SRC: variants seen among roughly 807,000 people sequenced by gnomAD.
SRC encodes proto-oncogene tyrosine-protein kinase Src.
Under a neutral mutation model 62.9 loss-of-function variants are expected in SRC, and 13 were observed. That is an observed-to-expected ratio of 0.21 (90% CI 0.13 to 0.33). SRC has a LOEUF of 0.33. Among genes scored for constraint, SRC ranks in the 10% least tolerant of loss-of-function variants. The probability of loss-of-function intolerance (pLI) is 1.00; values close to 1 mark genes in which losing one functional copy is unlikely to be tolerated. For missense variants in SRC, 457 were observed against 737.3 expected, an observed-to-expected ratio of 0.62 and a Z score of 4.40; for synonymous variants, 302 against 317.5, an observed-to-expected ratio of 0.95 and a Z score of 0.52.
At chr20:37,348,382 A>G (rs369749271) in intron 1 of SRC, among the ~76,000 whole-genome samples, 32 of 151,914 alleles carry the variant, frequency 2.1e-4, no homozygotes, top group Admixed American at 1.9e-3. Context: ...CCTTCTGCCC[A>G]TCTCCGTGGT....
At chr20:37,400,910 G>C (rs1408099161) in intron 10 of SRC, among the ~76,000 whole-genome samples, 1 of 152,068 alleles carries the variant, frequency 6.6e-6, no homozygotes, top group African/African-American at 2.4e-5. Flanking sequence ...TTTGCTTTCT[G>C]TCATTATAAA....
intron 1 of SRC, among the ~76,000 whole-genome samples, chr20:37,359,667 TG>T (rs1219309386): frequency 6.6e-6 from 1 of 151,602 alleles, no homozygotes; most frequent in Non-Finnish European, 1.5e-5. Flanking sequence ...AGGGGAAGAA[TG>T]GAGAGAGGAG....
intron 2 of SRC, among the ~76,000 whole-genome samples, chr20:37,372,351 C>T (rs1226681514): frequency 6.6e-6 from 1 of 152,072 alleles, no homozygotes; most frequent in Non-Finnish European, 1.5e-5. Context: ...TCTCTTTTAC[C>T]ACATCCATAT....
At chr20:37,374,707 T>A (rs2070250791) in intron 2 of SRC, among the ~76,000 whole-genome samples, 1 of 151,886 alleles carries the variant, frequency 6.6e-6, no homozygotes, top group South Asian at 2.1e-4. Flanking sequence ...CCAGAGCAGC[T>A]TGGATTACAG....
At position 37,398,984 on chromosome 20, in the gene SRC, A is replaced by C. The variant is rs758893229; in HGVS notation, c.859+1130A>C. On this transcript the variant is annotated intron_variant, in intron 9 of 13. Transcript: ENST00000373578. The surrounding 1 kb of genome is among the most constrained non-coding windows in gnomAD (Gnocchi z 5.2). ...AAGGTCACACATCAAAGGAACCTCG[A>C]GGCCCACTGGGACAAGAACCTGGAT... Among the ~76,000 whole-genome samples the C allele has an allele frequency of 6.6e-6, 1 of 152,220 alleles. No homozygotes were observed. Among genetic ancestry groups the C allele is most frequent in the African/African-American group, 2.4e-5 (1 of 41,460 alleles).
intron 5 of SRC, among the ~76,000 whole-genome samples, chr20:37,392,352 G>A (rs778008727): frequency 1.1e-4 from 17 of 152,128 alleles, no homozygotes; most frequent in Non-Finnish European, 2.2e-4. Flanking sequence ...CTCCCTCCTG[G>A]CCTCAACTTC....
At chr20:37,387,293 G>A (rs2070472065) in intron 5 of SRC, among the ~76,000 whole-genome samples, 2 of 152,220 alleles carry the variant, frequency 1.3e-5, no homozygotes, top group South Asian at 2.1e-4. Flanking sequence ...GTGCAGGACT[G>A]CCTTCTCAGA....
At chr20:37,350,725 G>C (rs1421874097) in intron 1 of SRC, among the ~76,000 whole-genome samples, 1 of 152,176 alleles carries the variant, frequency 6.6e-6, no homozygotes, top group Non-Finnish European at 1.5e-5. Context: ...CTCCCTGTTG[G>C]GGACTCAGAT....
intron 2 of SRC, among the ~76,000 whole-genome samples, chr20:37,370,444 A>G (rs1316773033): frequency 1.3e-5 from 2 of 152,184 alleles, no homozygotes; most frequent in Admixed American, 1.3e-4. Flanking sequence ...CTGTGCTGGC[A>G]GGCACCTGTA....
intron 1 of SRC, among the ~76,000 whole-genome samples, chr20:37,349,990 G>A (rs867052643): frequency 6.6e-6 from 1 of 152,206 alleles, no homozygotes; most frequent in South Asian, 2.1e-4. Flanking sequence ...CCAGGCCTTG[G>A]CTGTAGGCTC....
Position 37,384,429 on chromosome 20 carries a change from C to A in SRC, c.250+26C>A. 1 of 1,324,498 alleles carries A rather than the reference C, an allele frequency of 7.6e-7. No individual in the cohort carries two copies. The highest frequency in any genetic ancestry group is 9.6e-7 in the Non-Finnish European group (1 of 1,046,308). The allele number at this position is 1,324,498 out of a possible 1,614,324, so 82.0% of individuals were successfully genotyped here. On this transcript the variant is annotated intron_variant, in intron 4 of 13. Transcript: ENST00000373578. The surrounding 1 kb of genome is among the most constrained non-coding windows in gnomAD (Gnocchi z 6.7). ...GTCAGTGCGCGGGCGGCGCGGGGTC[C>A]TCGCCCACCTGGGGCCACGGCGGGG...
upstream of SRC, among the ~76,000 whole-genome samples, chr20:37,345,055 C>T (rs1158277950): frequency 6.6e-6 from 1 of 152,160 alleles, no homozygotes; most frequent in Non-Finnish European, 1.5e-5. Context: ...CTAGGGTGCT[C>T]CTCCCAGCTC....
intron 2 of SRC, among the ~76,000 whole-genome samples, chr20:37,372,034 T>C (rs2070173593): frequency 6.6e-6 from 1 of 152,086 alleles, no homozygotes; most frequent in Non-Finnish European, 1.5e-5. Context: ...TCTCGCTCTG[T>C]TGCCCAGGCT....
intron 5 of SRC, among the ~76,000 whole-genome samples, chr20:37,392,862 C>T (rs1039037422): frequency 3.7e-4 from 56 of 152,124 alleles, no homozygotes; most frequent in Admixed American, 3.3e-3. Context: ...CTGGCTCTCC[C>T]GCTCTCTCCC....
intron 3 of SRC, chr20:37,383,722 A>AT (rs1192006400): frequency 6.1e-6 from 1 of 164,120 alleles, no homozygotes; most frequent in Non-Finnish European, 1.3e-5. Context: ...CCTGTCCCCC[A>AT]TTTTTTTCTT....
intron 2 of SRC, among the ~76,000 whole-genome samples, chr20:37,377,127 C>T (rs535284777): frequency 2.1e-4 from 32 of 152,300 alleles, no homozygotes; most frequent in South Asian, 1.0e-3. Flanking sequence ...GTGTGTAAAG[C>T]GCCCAGCCTT....
rs2070104742 is a variant in SRC at position 37,368,519 on chromosome 20, TTTTTTTTTTTTTTTTTTTTTTTTTG to T, written c.-173+3257_-173+3281del. The stretch of plus-strand genomic sequence containing the variant: ...TCATAACATTTATGCCTATATTTTC[TTTTTTTTTTTTTTTTTTTTTTTTTG>T]TTTTTTTTTTTTTTGTTTTTTTTTT... On this transcript the variant is annotated intron_variant, in intron 2 of 13. Coordinates refer to ENST00000373578, the MANE Select transcript of SRC (RefSeq NM_198291.3). Among the ~76,000 whole-genome samples, 3 of 48,632 alleles carry T rather than the reference TTTTTTTTTTTTTTTTTTTTTTTTTG, an allele frequency of 6.2e-5. No individual in the cohort carries two copies. The African/African-American group carries it at 8.0e-4, about 13-fold the overall frequency. 31.9% of individuals were successfully genotyped at this position (48,632 alleles called of 152,430 possible).
chr20:37,368,448 CAAAT>C (rs1287976351), intron 2 of SRC, among the ~76,000 whole-genome samples: 13 of 139,088 alleles, frequency 9.3e-5, no homozygotes, highest in African/African-American at 3.4e-4. Flanking sequence ...CAAACAAACA[CAAAT>C]AAACCAACCA....
intron 2 of SRC, among the ~76,000 whole-genome samples, chr20:37,377,314 C>CA (rs1203055260): frequency 2.6e-5 from 4 of 152,216 alleles, no homozygotes; most frequent in Non-Finnish European, 5.9e-5. Context: ...GGAGGAAACT[C>CA]ACAGGCAAAG....
Sources: allele counts gnomAD v4.1 joint callset (sites outside exome capture counted in the v4.1 genomes callset), GRCh38; gene constraint gnomAD v4.1.1; non-coding constraint Gnocchi (gnomAD v3.1); transcripts MANE v1.5; gene names NCBI Gene and HGNC (gene_info 2026-07-23, HGNC 2026-07-21).